Variants in DLGAP2 observed in about 807,000 individuals in gnomAD.
DLGAP2 encodes the protein disks large-associated protein 2.
DLGAP2 carries 26 observed loss-of-function variants against 100.3 expected under a neutral mutation model. The observed-to-expected ratio is 0.26, with a 90% CI of 0.19 to 0.36. The LOEUF is 0.36. Ranked by LOEUF, DLGAP2 falls within the 10% of genes least tolerant of loss-of-function variation. The probability of loss-of-function intolerance (pLI) is 1.00; values close to 1 mark genes in which losing one functional copy is unlikely to be tolerated. For missense variants in DLGAP2, 1,858 were observed against 1,453.2 expected (o/e 1.28, Z -4.53); for synonymous variants, 886 against 630.1 (o/e 1.41, Z -6.08).
At chr8:745,246 C>G (rs1254062924) in intron 1 of DLGAP2, among the ~76,000 whole-genome samples, 3 of 152,188 alleles carry the variant, frequency 2.0e-5, no homozygotes, top group South Asian at 2.1e-4. Flanking sequence ...GAGCAAATTT[C>G]CGAACATCTG....
chr8:887,962 C>T (rs1381738355), intron 1 of DLGAP2, among the ~76,000 whole-genome samples: 1 of 152,192 alleles, frequency 6.6e-6, no homozygotes, highest in African/African-American at 2.4e-5. Context: ...TAATATCCTG[C>T]AGTGTGTTTT....
intron 3 of DLGAP2, chr8:1,381,332 A>G (rs949594718): frequency 2.0e-5 from 3 of 152,222 alleles, no homozygotes; most frequent in Admixed American, 2.0e-4. Flanking sequence ...ACATGAAAAA[A>G]TGGGCCGTTA....
chr8:1,058,522 C>T (rs1802952910), intron 2 of DLGAP2, among the ~76,000 whole-genome samples: 1 of 152,192 alleles, frequency 6.6e-6, no homozygotes, highest in South Asian at 2.1e-4. Context: ...CATGCAACAA[C>T]GTAGCTGGCT....
At chr8:1,259,232 C>T (rs1329855532) in intron 3 of DLGAP2, among the ~76,000 whole-genome samples, 6 of 152,276 alleles carry the variant, frequency 3.9e-5, no homozygotes, top group African/African-American at 1.2e-4. Context: ...GCCAATGAGC[C>T]GCAGGCTGAG....
chr8:1,646,318 C>G (rs1439234312), intron 8 of DLGAP2, among the ~76,000 whole-genome samples: 3 of 152,298 alleles, frequency 2.0e-5, no homozygotes, highest in Middle Eastern at 3.4e-3. Flanking sequence ...CGGAACTCGT[C>G]AGCCTCATTG....
At chr8:1,636,614 C>T (rs898598749) in intron 8 of DLGAP2, among the ~76,000 whole-genome samples, 1 of 152,104 alleles carries the variant, frequency 6.6e-6, no homozygotes, top group Admixed American at 6.5e-5. Context: ...TAGTCTTTTA[C>T]AATAAAAGAC....
chr8:857,413 G>A (rs1423025883), intron 1 of DLGAP2, among the ~76,000 whole-genome samples: 1 of 152,176 alleles, frequency 6.6e-6, no homozygotes, highest in African/African-American at 2.4e-5. Context: ...CAGACCGGGA[G>A]AAAATATTTG....
chr8:1,382,775 T>C (rs576699855), intron 3 of DLGAP2, among the ~76,000 whole-genome samples: 20 of 152,238 alleles, frequency 1.3e-4, no homozygotes, highest in South Asian at 1.2e-3. Context: ...TGTGTATAGT[T>C]TACATTGATT....
intron 1 of DLGAP2, among the ~76,000 whole-genome samples, chr8:872,422 C>G (rs536957330): frequency 1.4e-4 from 21 of 151,382 alleles, no homozygotes; most frequent in African/African-American, 4.6e-4. Flanking sequence ...CAACCTCTGC[C>G]TCCCGGGTTC....
chr8:747,665 T>C (rs1176889504), intron 1 of DLGAP2, among the ~76,000 whole-genome samples: 2 of 94,798 alleles, frequency 2.1e-5, no homozygotes, highest in Non-Finnish European at 4.3e-5. Flanking sequence ...GGGGCCTTTG[T>C]GGTGGGATGA....
rs2116739580 is a variant in DLGAP2 at position 1,194,865 on chromosome 8, C to G, written c.74-63986C>G. Among the ~76,000 whole-genome samples the G allele has an allele frequency of 1.3e-5, 2 of 152,350 alleles. 1 individual carries two copies. Among genetic ancestry groups the G allele is most frequent in the South Asian group, 4.1e-4 (2 of 4,826 alleles). The stretch of plus-strand genomic sequence containing the variant: ...AGGGTTCTTCGCTCAGTCTCAGACT[C>G]TAGGGCTGTGTCTGTGCTTGGTGCT... On this transcript the variant is annotated intron_variant, in intron 2 of 14. Coordinates refer to ENST00000637795, the MANE Select transcript of DLGAP2 (RefSeq NM_001346810.2).
chr8:1,207,655 A>G (rs1180845897), intron 2 of DLGAP2, among the ~76,000 whole-genome samples: 1 of 152,226 alleles, frequency 6.6e-6, no homozygotes, highest in South Asian at 2.1e-4. Context: ...TGTTTTCCGT[A>G]GTGGTTGTAC....
intron 2 of DLGAP2, among the ~76,000 whole-genome samples, chr8:930,068 AG>A (rs1798920670): frequency 2.0e-5 from 3 of 152,138 alleles, no homozygotes; most frequent in Admixed American, 2.0e-4. Context: ...AGTCTGAGAC[AG>A]GCCACACTGA....
At chr8:988,465 A>G (rs1187447228) in intron 2 of DLGAP2, among the ~76,000 whole-genome samples, 1 of 152,160 alleles carries the variant, frequency 6.6e-6, no homozygotes, top group Non-Finnish European at 1.5e-5. Context: ...CATGAAGGAC[A>G]GGGATGTGGC....
chr8:1,457,453 T>C lies in DLGAP2; in HGVS notation c.107-43913T>C, dbSNP rs1361448210. Among the ~76,000 whole-genome samples, 3 of 152,192 alleles carry C rather than the reference T, an allele frequency of 2.0e-5. No individual in the cohort carries two copies. In the East Asian group the frequency reaches 5.8e-4, roughly 29 times the overall value. On this transcript the variant is annotated intron_variant, in intron 3 of 14. Coordinates refer to ENST00000637795, the MANE Select transcript of DLGAP2 (RefSeq NM_001346810.2). ...TGTATTCCAGCATATTTATCTATAC[T>C]CGGTCTCCTAGAAACATAGGTTTGT...
At chr8:1,283,491 G>A (rs1412241787) in intron 3 of DLGAP2, among the ~76,000 whole-genome samples, 1 of 152,240 alleles carries the variant, frequency 6.6e-6, no homozygotes, top group Non-Finnish European at 1.5e-5. Flanking sequence ...TTGCTCTGCT[G>A]AAAAGATGAA....
intron 3 of DLGAP2, among the ~76,000 whole-genome samples, chr8:1,288,385 C>CGT (rs1206047419): frequency 3.5e-3 from 212 of 60,694 alleles, no homozygotes; most frequent in Non-Finnish European, 4.6e-3. Flanking sequence ...TGGTTCAGTG[C>CGT]GTGTGTGTGT....
At chr8:839,236 C>G (rs1796937466) in intron 1 of DLGAP2, among the ~76,000 whole-genome samples, 2 of 152,134 alleles carry the variant, frequency 1.3e-5, no homozygotes, top group Admixed American at 6.6e-5. Flanking sequence ...CTTCTTGGCA[C>G]AAATCCAAAG....
chr8:1,633,860 A>G (rs1456226606), intron 8 of DLGAP2, among the ~76,000 whole-genome samples: 3 of 152,226 alleles, frequency 2.0e-5, no homozygotes, highest in Non-Finnish European at 4.4e-5. Flanking sequence ...GGGAAATAGA[A>G]CAAAGCTATG....
Sources: allele counts gnomAD v4.1 joint callset (sites outside exome capture counted in the v4.1 genomes callset), GRCh38; gene constraint gnomAD v4.1.1; transcripts MANE v1.5; gene names NCBI Gene and HGNC (gene_info 2026-07-23, HGNC 2026-07-21).